Variants in ERBB4 observed in about 807,000 individuals in gnomAD.
ERBB4 encodes the protein erb-b2 receptor tyrosine kinase 4.
ERBB4 carries 42 observed loss-of-function variants against 158.0 expected under a neutral mutation model. The observed-to-expected ratio is 0.27, with a 90% CI of 0.21 to 0.34. ERBB4 has a LOEUF of 0.34. Ranked by LOEUF, ERBB4 falls within the 10% of genes least tolerant of loss-of-function variation. The pLI is 1.00. For missense variants in ERBB4, 1,333 were observed against 1,624.1 expected (o/e 0.82, Z 3.08); for synonymous variants, 583 against 558.7 (o/e 1.04, Z -0.61).
In ERBB4 at chr2:211,553,924, A is replaced by G. The variant is rs150237540; in HGVS notation, c.2487+7979T>C. ...TTTCAATAGTTAAAACATTGCTTGAAGAAGTTCCTCCACAAATATTCATCT... is the reference window on the plus strand; with the variant it reads ...TTTCAATAGTTAAAACATTGCTTGAGGAAGTTCCTCCACAAATATTCATCT... On this transcript the variant is annotated intron_variant, in intron 20 of 27. Transcript: ENST00000342788. Among the ~76,000 whole-genome samples, 396 of 152,366 alleles carry G rather than the reference A, an allele frequency of 2.6e-3. 3 individuals are homozygous for G. The highest frequency in any genetic ancestry group is 9.0e-3 in the African/African-American group (375 of 41,588).
At chr2:211,573,939 G>A (rs2067816589) in intron 19 of ERBB4, among the ~76,000 whole-genome samples, 1 of 152,106 alleles carries the variant, frequency 6.6e-6, no homozygotes, top group Non-Finnish European at 1.5e-5. Context: ...AGCTATAGTA[G>A]TCTAATCTAA....
intron 2 of ERBB4, among the ~76,000 whole-genome samples, chr2:212,034,808 T>G (rs2125357176): frequency 6.6e-6 from 1 of 152,274 alleles, no homozygotes; most frequent in Admixed American, 6.5e-5. Context: ...CCACTGATTT[T>G]TCTCTCATTT....
At chr2:211,719,428 G>C (rs761238640) in intron 7 of ERBB4, among the ~76,000 whole-genome samples, 1 of 123,282 alleles carries the variant, frequency 8.1e-6, no homozygotes, top group African/African-American at 2.9e-5. Context: ...GTTGTACCTG[G>C]CATGCAAAAC....
At chr2:212,508,242 G>C (rs1381194649) in intron 1 of ERBB4, among the ~76,000 whole-genome samples, 1 of 152,110 alleles carries the variant, frequency 6.6e-6, no homozygotes, top group Non-Finnish European at 1.5e-5. Context: ...GGAAAAAATT[G>C]TTGACTTGCT....
chr2:212,353,452 ATATTT>A (rs1472389117), intron 1 of ERBB4, among the ~76,000 whole-genome samples: 1 of 149,364 alleles, frequency 6.7e-6, no homozygotes, highest in East Asian at 1.9e-4. Flanking sequence ...ATATAAACAA[ATATTT>A]TATAATATAT....
At chr2:212,310,351 A>G (rs1197113433) in intron 1 of ERBB4, among the ~76,000 whole-genome samples, 1 of 150,782 alleles carries the variant, frequency 6.6e-6, no homozygotes, top group African/African-American at 2.4e-5. Flanking sequence ...ACACTGACAG[A>G]TGATATTCAG....
At chr2:212,327,434 A>G (rs921208366) in intron 1 of ERBB4, among the ~76,000 whole-genome samples, 1 of 151,958 alleles carries the variant, frequency 6.6e-6, no homozygotes, top group African/African-American at 2.4e-5. Context: ...CTCTGAGACT[A>G]AGGATACTCT....
At chr2:211,427,673 G>C (rs2063658548) in intron 22 of ERBB4, among the ~76,000 whole-genome samples, 1 of 151,980 alleles carries the variant, frequency 6.6e-6, no homozygotes, top group Non-Finnish European at 1.5e-5. Context: ...ACAATAATCT[G>C]TTTTCTACTA....
At position 211,431,493 on chromosome 2, in the gene ERBB4, A is replaced by G. The variant is rs560093093; in HGVS notation, c.2488-393T>C. On this transcript the variant is annotated intron_variant, in intron 20 of 27. Transcript: ENST00000342788. ...TTCTCAATAACTTCTGCTTCACGTC[A>G]TCTTCCCCCTACACATCCAAACAAA... Among the ~76,000 whole-genome samples the G allele has an allele frequency of 2.6e-5, 4 of 152,278 alleles. No homozygotes were observed. The East Asian group carries it at 5.8e-4, about 22-fold the overall frequency.
At chr2:212,309,088 G>T (rs955959617) in intron 1 of ERBB4, among the ~76,000 whole-genome samples, 2 of 150,888 alleles carry the variant, frequency 1.3e-5, no homozygotes, top group African/African-American at 4.8e-5. Flanking sequence ...TAAATTAGAA[G>T]CAAGCTCACC....
chr2:212,300,693 G>GT (rs1173553933), intron 1 of ERBB4, among the ~76,000 whole-genome samples: 13 of 151,426 alleles, frequency 8.6e-5, no homozygotes, highest in African/African-American at 3.1e-4. Flanking sequence ...ATTATCTCAT[G>GT]AGATGCTCAA....
At chr2:211,480,017 G>A (rs2065044322) in intron 20 of ERBB4, among the ~76,000 whole-genome samples, 2 of 152,088 alleles carry the variant, frequency 1.3e-5, no homozygotes, top group Admixed American at 1.3e-4. Flanking sequence ...CTGAAGTGTG[G>A]CATAACCAGT....
intron 1 of ERBB4, among the ~76,000 whole-genome samples, chr2:212,389,791 T>A (rs73060373): frequency 6.6e-6 from 1 of 151,956 alleles, no homozygotes; most frequent in Admixed American, 6.6e-5. Flanking sequence ...CTAAATTATA[T>A]TCAGAGCTTC....
At chr2:211,600,147 A>T (rs1037588627) in intron 19 of ERBB4, among the ~76,000 whole-genome samples, 3 of 152,172 alleles carry the variant, frequency 2.0e-5, no homozygotes, top group African/African-American at 4.8e-5. Context: ...CCTTCACAAA[A>T]CCCAATAGGA....
chr2:211,670,547 C>CA (rs1255196535), intron 14 of ERBB4, among the ~76,000 whole-genome samples: 1 of 152,070 alleles, frequency 6.6e-6, no homozygotes, highest in Admixed American at 6.6e-5. Flanking sequence ...TTTTATGCAA[C>CA]AGGAGGCATC....
intron 13 of ERBB4, among the ~76,000 whole-genome samples, chr2:211,675,792 T>TATATATATATATATATATATATA (rs1553607853): frequency 1.1e-5 from 1 of 93,572 alleles, no homozygotes; most frequent in Non-Finnish European, 2.8e-5. Context: ...AAATATAATA[T>TATATATATATATATATATATATA]TATATATATA....
rs1553524037 is a variant in ERBB4 at position 211,413,309 on chromosome 2, A to AAAAAAAAAAAAAAAAC, written c.3135+7131_3135+7132insGTTTTTTTTTTTTTTT. Among the ~76,000 whole-genome samples the AAAAAAAAAAAAAAAAC allele has an allele frequency of 1.6e-3, 155 of 94,558 alleles. 15 individuals carry two copies. Among genetic ancestry groups the AAAAAAAAAAAAAAAAC allele is most frequent in the Non-Finnish European group, 2.6e-3 (111 of 42,596 alleles). 62.0% of individuals were successfully genotyped at this position (94,558 alleles called of 152,430 possible). Reference sequence around the variant, plus strand: ...GGACAGAGAGAGACCCTGTCTTAAAAACACACACACACACACACACACACA... The same window carrying AAAAAAAAAAAAAAAAC: ...GGACAGAGAGAGACCCTGTCTTAAAAAAAAAAAAAAAAAAACACACACACACACACACACACACACA... On this transcript the variant is annotated intron_variant, in intron 25 of 27. Transcript: ENST00000342788.
chr2:212,486,609 A>G (rs1689995850), intron 1 of ERBB4, among the ~76,000 whole-genome samples: 3 of 152,190 alleles, frequency 2.0e-5, no homozygotes, highest in Non-Finnish European at 2.9e-5. Context: ...TAGGAGTTCT[A>G]AGACACAGAT....
intron 1 of ERBB4, among the ~76,000 whole-genome samples, chr2:212,202,097 T>C (rs1237618801): frequency 1.3e-5 from 2 of 152,192 alleles, no homozygotes; most frequent in East Asian, 1.9e-4. Context: ...GTTTGTAGTA[T>C]GGATTGCATT....
Sources: allele counts gnomAD v4.1 joint callset (sites outside exome capture counted in the v4.1 genomes callset), GRCh38; gene constraint gnomAD v4.1.1; transcripts MANE v1.5; gene names NCBI Gene and HGNC (gene_info 2026-07-23, HGNC 2026-07-21).